BMPR1B: variants seen among roughly 807,000 people sequenced by gnomAD.
BMPR1B encodes the protein bone morphogenetic protein receptor type-1B.
A neutral mutation model predicts 59.1 loss-of-function variants in BMPR1B; 12 were observed. That is an observed-to-expected ratio of 0.20 (90% CI 0.13 to 0.33). The LOEUF (loss-of-function observed/expected upper bound fraction) is 0.33. Among genes scored for constraint, BMPR1B ranks in the 10% least tolerant of loss-of-function variants. The probability of loss-of-function intolerance (pLI) is 1.00; values close to 1 mark genes in which losing one functional copy is unlikely to be tolerated. For missense variants in BMPR1B, 550 were observed against 610.9 expected, an observed-to-expected ratio of 0.90 and a Z score of 1.05; for synonymous variants, 237 against 207.3, an observed-to-expected ratio of 1.14 and a Z score of -1.23.
chr4:94,909,512 G>C (rs1006397344), intron 2 of BMPR1B, among the ~76,000 whole-genome samples: 2 of 151,964 alleles, frequency 1.3e-5, no homozygotes, highest in African/African-American at 4.8e-5. Context: ...TTCTTGTAAA[G>C]ATGAAAAGAT....
chr4:94,914,229 C>G (rs1237224194), intron 2 of BMPR1B, among the ~76,000 whole-genome samples: 1 of 152,052 alleles, frequency 6.6e-6, no homozygotes, highest in Non-Finnish European at 1.5e-5. Context: ...CTCGAAGATG[C>G]CTTCTAGATT....
intron 2 of BMPR1B, among the ~76,000 whole-genome samples, chr4:94,953,160 A>T (rs1730012535): frequency 6.6e-6 from 1 of 151,980 alleles, no homozygotes; most frequent in Non-Finnish European, 1.5e-5. Context: ...GTGTCTCTGC[A>T]CGTGAGATGG....
intron 1 of BMPR1B, among the ~76,000 whole-genome samples, chr4:94,827,534 G>T (rs1724428553): frequency 6.6e-6 from 1 of 152,092 alleles, no homozygotes; most frequent in African/African-American, 2.4e-5. Context: ...ACTGAGTTAG[G>T]CATGTGAGCA....
intron 1 of BMPR1B, among the ~76,000 whole-genome samples, chr4:94,872,412 G>A (rs1726537219): frequency 6.6e-6 from 1 of 152,184 alleles, no homozygotes; most frequent in South Asian, 2.1e-4. Context: ...AGCACGTTTA[G>A]TGATGATTGC....
chr4:94,764,655 A>G (rs921080794), intron 1 of BMPR1B, among the ~76,000 whole-genome samples: 3 of 152,170 alleles, frequency 2.0e-5, no homozygotes, highest in Non-Finnish European at 4.4e-5. Context: ...TGTTTTGGAC[A>G]TCTGCTTTCC....
intron 2 of BMPR1B, among the ~76,000 whole-genome samples, chr4:94,995,566 T>A (rs1448465558): frequency 1.3e-5 from 2 of 152,204 alleles, no homozygotes; most frequent in Non-Finnish European, 2.9e-5. Flanking sequence ...GAGATTGTGT[T>A]GTTTGGCCGA....
Position 95,148,919 on chromosome 4 carries a change from A to G in BMPR1B, c.1248A>G (p.Ser416=), listed in dbSNP as rs768593608. 9 of 1,613,846 alleles carry G rather than the reference A, an allele frequency of 5.6e-6. No individual in the cohort carries two copies. Among genetic ancestry groups the G allele is most frequent in the South Asian group, 1.1e-5 (1 of 91,094 alleles). Residue 416 remains serine, a synonymous_variant, in exon 11 of 13, where the codon TCA becomes TCG. Coordinates refer to ENST00000515059, the MANE Select transcript of BMPR1B (RefSeq NM_001203.3). ...GGGAGGTTGCTAGGAGATGTGTATC[A>G]GGAGGTAAGAAACAGTGCTGTCTTT... The part of the protein sequence containing the change: ...ILWEVARRCV[S]GGIVEEYQLP...
At chr4:94,789,226 T>C (rs1019497775) in intron 1 of BMPR1B, among the ~76,000 whole-genome samples, 1 of 152,232 alleles carries the variant, frequency 6.6e-6, no homozygotes, top group African/African-American at 2.4e-5. Context: ...CTTCAGCTCA[T>C]GAGGCACCCA....
chr4:94,832,167 G>T (rs1347739221), intron 1 of BMPR1B, among the ~76,000 whole-genome samples: 2 of 152,084 alleles, frequency 1.3e-5, no homozygotes, highest in African/African-American at 4.8e-5. Context: ...CCATGAAACT[G>T]GTCCCTAGTG....
intron 1 of BMPR1B, among the ~76,000 whole-genome samples, chr4:94,773,091 G>A (rs1361463865): frequency 6.6e-6 from 1 of 151,960 alleles, no homozygotes; most frequent in Non-Finnish European, 1.5e-5. Flanking sequence ...TACATTTATT[G>A]TTCTTATTTT....
At chr4:94,992,909 G>T (rs909764773) in intron 2 of BMPR1B, among the ~76,000 whole-genome samples, 1 of 151,922 alleles carries the variant, frequency 6.6e-6, no homozygotes, top group South Asian at 2.1e-4. Context: ...AAGAGATGGG[G>T]TCTTGTTCTG....
At chr4:95,114,645 G>GACACACAC (rs10622489) in intron 4 of BMPR1B, 75 bp from the exon 5 acceptor site, 161 of 990,444 alleles carry the variant, frequency 1.6e-4, no homozygotes, top group Admixed American at 6.4e-4. Flanking sequence ...TTTTCCCCTA[G>GACACACAC]ACACACACAC....
At chr4:95,047,396 A>T (rs575696104) in intron 3 of BMPR1B, among the ~76,000 whole-genome samples, 72 of 152,292 alleles carry the variant, frequency 4.7e-4, no homozygotes, top group African/African-American at 1.7e-3. Context: ...TGATGATCAG[A>T]TATTTTATTG....
At chr4:95,017,680 T>G (rs769417444) in intron 3 of BMPR1B, among the ~76,000 whole-genome samples, 2 of 152,232 alleles carry the variant, frequency 1.3e-5, no homozygotes, top group Non-Finnish European at 2.9e-5. Flanking sequence ...AAGCCTGTTA[T>G]CTGGTTTAAT....
chr4:94,953,896 T>A (rs1461238800), intron 2 of BMPR1B, among the ~76,000 whole-genome samples: 2 of 152,212 alleles, frequency 1.3e-5, no homozygotes. Flanking sequence ...GGTATACCAG[T>A]GGAACATAGG....
At chr4:94,996,596 G>C (rs562848917) in intron 3 of BMPR1B, among the ~76,000 whole-genome samples, 2 of 152,212 alleles carry the variant, frequency 1.3e-5, no homozygotes, top group South Asian at 4.1e-4. Flanking sequence ...GGTAACATGG[G>C]GTCTTTTTAT....
At position 94,908,061 on chromosome 4, in the gene BMPR1B, TAAAAAA is replaced by T. The variant is rs571793477; in HGVS notation, c.-113+32185_-113+32190del. Among the ~76,000 whole-genome samples the T allele has an allele frequency of 2.2e-3, 100 of 46,258 alleles. 1 individual carries two copies. Among genetic ancestry groups the T allele is most frequent in the African/African-American group, 6.7e-3 (92 of 13,810 alleles). 30.3% of individuals were successfully genotyped at this position (46,258 alleles called of 152,430 possible). A position where few individuals can be genotyped will look rare whatever the true frequency, so the allele number is the denominator to read the frequency against. On this transcript the variant is annotated intron_variant, in intron 2 of 12. Coordinates refer to ENST00000515059, the MANE Select transcript of BMPR1B (RefSeq NM_001203.3). The stretch of plus-strand genomic sequence containing the variant: ...GGGCAATGCAGTGAGACCCTGTCTT[TAAAAAA>T]AAAAAAAAAAAAAAAAAAAAAAAGA...
intron 1 of BMPR1B, among the ~76,000 whole-genome samples, chr4:94,848,741 G>A (rs1039513674): frequency 6.6e-6 from 1 of 152,184 alleles, no homozygotes; most frequent in Admixed American, 6.5e-5. Flanking sequence ...ACCTGCTAGA[G>A]GCTACTGAAG....
At chr4:95,025,964 TA>T (rs1217840656) in intron 3 of BMPR1B, among the ~76,000 whole-genome samples, 2 of 152,180 alleles carry the variant, frequency 1.3e-5, no homozygotes, top group Non-Finnish European at 2.9e-5. Flanking sequence ...AGCACTGGCA[TA>T]GATTTACAAT....
Sources: gnomAD v4.1 joint callset for allele counts (sites outside exome capture counted in the v4.1 genomes callset) on GRCh38, gnomAD v4.1.1 for gene constraint, MANE v1.5 for transcripts, NCBI Gene and HGNC (gene_info 2026-07-23, HGNC 2026-07-21) for gene names.